Variants in RC3H2 observed in about 807,000 individuals in gnomAD.
RC3H2 encodes roquin-2.
A neutral mutation model predicts 133.3 loss-of-function variants in RC3H2; 31 were observed. That is an observed-to-expected ratio of 0.23 (90% CI 0.17 to 0.31). The LOEUF is 0.31. Among genes scored for constraint, RC3H2 ranks in the 10% least tolerant of loss-of-function variants. The pLI is 1.00. For synonymous variants in RC3H2, 517 were observed against 502.2 expected, an observed-to-expected ratio of 1.03 and a Z score of -0.40; for missense variants, 1,175 against 1,437.2, an observed-to-expected ratio of 0.82 and a Z score of 2.95.
intron 6 of RC3H2, 120 bp downstream of exon 6, chr9:122,880,474 G>A: frequency 1.1e-5 from 9 of 802,170 alleles, no homozygotes; most frequent in Non-Finnish European, 1.6e-5. Flanking sequence ...TAATTTATAA[G>A]AGTCTGACAT....
chr9:122,881,207 C>A (rs748937861), intron 5 of RC3H2, among the ~76,000 whole-genome samples: 1 of 152,068 alleles, frequency 6.6e-6, no homozygotes. Context: ...GGTGAGGAGG[C>A]CAGGGATGGT....
At chr9:122,894,877 C>T (rs1412089673) in intron 2 of RC3H2, among the ~76,000 whole-genome samples, 2 of 152,104 alleles carry the variant, frequency 1.3e-5, no homozygotes, top group Non-Finnish European at 2.9e-5. Context: ...GAGATTCCAT[C>T]TCAACAACAA....
intron 9 of RC3H2, among the ~76,000 whole-genome samples, chr9:122,866,801 G>A (rs1259852614): frequency 6.6e-6 from 1 of 152,178 alleles, no homozygotes; most frequent in East Asian, 1.9e-4. Context: ...AAAGTGCTGA[G>A]ATTGCAGCCT....
At chr9:122,866,397 C>A (rs1484043741) in intron 9 of RC3H2, among the ~76,000 whole-genome samples, 1 of 136,910 alleles carries the variant, frequency 7.3e-6, no homozygotes, top group African/African-American at 2.8e-5. Flanking sequence ...TCCCCACGGT[C>A]TCCCTCTCCC....
rs753307682 is a variant in RC3H2, at chr9:122,849,622, T to A, written c.*5A>T. 55 of 1,603,522 alleles carry A rather than the reference T, an allele frequency of 3.4e-5. No individual in the cohort carries two copies. The highest frequency in any genetic ancestry group is 4.6e-5 in the Non-Finnish European group (54 of 1,173,410). ...TGGTCACAAATTTGAAAGATGAACC[T>A]CCTTTCAGCTGTTAACCATCTTCCC... On this transcript the variant is annotated 3_prime_UTR_variant, in exon 21 of 21. Transcript: ENST00000357244.
At chr9:122,867,068 G>A (rs1418359092) in intron 9 of RC3H2, among the ~76,000 whole-genome samples, 2 of 134,970 alleles carry the variant, frequency 1.5e-5, no homozygotes, top group Non-Finnish European at 3.2e-5. Context: ...CCGTCTGGGA[G>A]GTGAGGAGCG....
At chr9:122,863,524 T>C (rs1289678577) in intron 10 of RC3H2, among the ~76,000 whole-genome samples, 3 of 152,194 alleles carry the variant, frequency 2.0e-5, no homozygotes, top group Admixed American at 6.5e-5. Context: ...CTCCCAGCAA[T>C]ATAAAATTTT....
intron 18 of RC3H2, among the ~76,000 whole-genome samples, chr9:122,852,843 G>A (rs1300725702): frequency 2.6e-5 from 4 of 152,184 alleles, no homozygotes; most frequent in African/African-American, 9.6e-5. Flanking sequence ...GGGAAGTGAG[G>A]AGCCCCTCTG....
intron 18 of RC3H2, among the ~76,000 whole-genome samples, chr9:122,853,226 C>G (rs1018484957): frequency 1.3e-5 from 2 of 151,496 alleles, no homozygotes; most frequent in African/African-American, 4.9e-5. Flanking sequence ...TCTCAAGTAC[C>G]CAGGGACACA....
At chr9:122,857,502 T>C (rs1006724670) in intron 13 of RC3H2, among the ~76,000 whole-genome samples, 2 of 152,222 alleles carry the variant, frequency 1.3e-5, no homozygotes, top group African/African-American at 2.4e-5. Context: ...TGAAAGATCT[T>C]GGGCAAATTA....
intron 6 of RC3H2, 125 bp downstream of exon 6, chr9:122,880,469 T>TA (rs1831570559): frequency 2.5e-6 from 2 of 790,482 alleles, no homozygotes; most frequent in South Asian, 3.5e-5. Flanking sequence ...AAGGATAATT[T>TA]ATAAGAGTCT....
chr9:122,901,202 GTTC>G (rs748726976), intron 1 of RC3H2, among the ~76,000 whole-genome samples: 1 of 152,146 alleles, frequency 6.6e-6, no homozygotes, highest in African/African-American at 2.4e-5. Context: ...TTAGGGCTTA[GTTC>G]TTCTAATTAA....
intron 15 of RC3H2, among the ~76,000 whole-genome samples, 178 bp downstream of exon 15, chr9:122,855,006 T>C (rs1830185611): frequency 6.6e-6 from 1 of 151,742 alleles, no homozygotes. Flanking sequence ...TCCCAGCTAC[T>C]TGGGAGGCTG....
rs1250411705 is a variant in RC3H2 at position 122,845,232 on chromosome 9, A to G, written c.*4395T>C. The G allele has an allele frequency of 6.6e-6, 1 of 152,228 alleles. No homozygotes were observed. Among genetic ancestry groups the G allele is most frequent in the Non-Finnish European group, 1.5e-5 (1 of 68,030 alleles). 9.4% of individuals were successfully genotyped at this position (152,228 alleles called of 1,614,324 possible). A position where few individuals can be genotyped will look rare whatever the true frequency, so the allele number is the denominator to read the frequency against. On this transcript the variant is annotated 3_prime_UTR_variant, in exon 21 of 21. Transcript: ENST00000357244. ...AGAAAAACATTTCTCTTTCACTTCC[A>G]GGGAAAAGAATATGCAATAAACAGT...
In RC3H2 at chr9:122,905,327, T is replaced by G; in HGVS notation, c.-285A>C. 6 of 977,372 alleles carry G rather than the reference T, an allele frequency of 6.1e-6. No individual in the cohort carries two copies. The highest frequency in any genetic ancestry group is 7.3e-6 in the Non-Finnish European group (6 of 822,386). The allele number at this position is 977,372 out of a possible 1,614,324, so 60.5% of individuals were successfully genotyped here. ...CTCCACCTCCGCCTCCTCCTCCTCC[T>G]CCTCCTCACCACGGAGGCGGACCTG... On this transcript the variant is annotated 5_prime_UTR_variant, in exon 1 of 21. Transcript: ENST00000357244.
At chr9:122,882,747 T>C (rs552887310) in intron 5 of RC3H2, among the ~76,000 whole-genome samples, 2 of 152,350 alleles carry the variant, frequency 1.3e-5, no homozygotes, top group East Asian at 1.9e-4. Context: ...CAACTTTCCA[T>C]TTCCTGGTTG....
At chr9:122,892,108 G>C (rs913557562) in intron 3 of RC3H2, among the ~76,000 whole-genome samples, 9 of 151,876 alleles carry the variant, frequency 5.9e-5, no homozygotes, top group African/African-American at 2.2e-4. Flanking sequence ...CAGTGACTCT[G>C]GTAAATTTTT....
chr9:122,866,360 T>TCTACCC (rs1830655069), intron 9 of RC3H2, among the ~76,000 whole-genome samples: 1 of 9,188 alleles, frequency 1.1e-4, no homozygotes, highest in African/African-American at 2.1e-4. Context: ...AATGTCTCCC[T>TCTACCC]CTCCCCCTCC....
At chr9:122,889,976 T>C (rs552577630) in intron 4 of RC3H2, among the ~76,000 whole-genome samples, 151 of 152,132 alleles carry the variant, frequency 9.9e-4, no homozygotes, top group African/African-American at 3.5e-3. Context: ...ACCCTGTCTG[T>C]ACAAAAAATA....
Sources: gnomAD v4.1 joint callset for allele counts (sites outside exome capture counted in the v4.1 genomes callset) on GRCh38, gnomAD v4.1.1 for gene constraint, MANE v1.5 for transcripts, NCBI Gene and HGNC (gene_info 2026-07-23, HGNC 2026-07-21) for gene names.